ATP6V1H: variants seen among roughly 807,000 people sequenced by gnomAD.
ATP6V1H encodes V-type proton ATPase subunit H.
A neutral mutation model predicts 71.7 loss-of-function variants in ATP6V1H; 39 were observed. That is an observed-to-expected ratio of 0.54 (90% confidence interval 0.42 to 0.71). The LOEUF is 0.71. Ranked by LOEUF, ATP6V1H falls within the 30% of genes least tolerant of loss-of-function variation. ATP6V1H has a pLI of 0.00. For missense variants in ATP6V1H, 509 were observed against 594.9 expected (o/e 0.86, Z 1.50); for synonymous variants, 192 against 199.3 (o/e 0.96, Z 0.31).
At chr8:53,831,369 C>G (rs1017366450) in intron 3 of ATP6V1H, among the ~76,000 whole-genome samples, 2 of 152,142 alleles carry the variant, frequency 1.3e-5, no homozygotes, top group African/African-American at 4.8e-5. Flanking sequence ...ATGTGTGTGT[C>G]TAAACATAAA....
intron 9 of ATP6V1H, among the ~76,000 whole-genome samples, chr8:53,775,989 C>T (rs1463223212): frequency 6.6e-6 from 1 of 152,216 alleles, no homozygotes; most frequent in Non-Finnish European, 1.5e-5. Flanking sequence ...CACAGGAACC[C>T]ACGGAGGCGG....
chr8:53,798,487 C>T (rs1460797596), intron 8 of ATP6V1H, among the ~76,000 whole-genome samples: 2 of 151,994 alleles, frequency 1.3e-5, no homozygotes, highest in African/African-American at 2.4e-5. Flanking sequence ...CACCACTGCA[C>T]TCCAGCCTGG....
At chr8:53,774,025 T>C (rs145134882) in intron 9 of ATP6V1H, among the ~76,000 whole-genome samples, 1 of 152,164 alleles carries the variant, frequency 6.6e-6, no homozygotes, top group Admixed American at 6.5e-5. Context: ...CTCAGTAATC[T>C]GTTATGTATT....
At position 53,805,306 on chromosome 8, in the gene ATP6V1H, A is replaced by G. The variant is rs143477494; in HGVS notation, c.580-3410T>C. Among the ~76,000 whole-genome samples the G allele has an allele frequency of 2.2e-3, 336 of 152,304 alleles. 2 individuals carry two copies. The highest frequency in any genetic ancestry group is 7.8e-3 in the African/African-American group (326 of 41,564). ...GCACATTGGTATCAGTGAACCACAA[A>G]GATGAACTTTTCAAACATACAATTG... is the stretch of plus-strand genomic sequence containing the variant. On this transcript the variant is annotated intron_variant, in intron 7 of 13. Coordinates refer to ENST00000359530, the MANE Select transcript of ATP6V1H (RefSeq NM_015941.4).
intron 12 of ATP6V1H, among the ~76,000 whole-genome samples, chr8:53,753,786 AT>A (rs1807888926): frequency 6.6e-6 from 1 of 152,146 alleles, no homozygotes; most frequent in African/African-American, 2.4e-5. Flanking sequence ...AAAACCAATT[AT>A]TTTTTAATGA....
At chr8:53,813,741 T>C in intron 6 of ATP6V1H, among the ~76,000 whole-genome samples, 1 of 152,136 alleles carries the variant, frequency 6.6e-6, no homozygotes. Context: ...ACAGAAAACT[T>C]GTCATTTTCC....
At chr8:53,791,197 AG>A (rs1449192136) in intron 9 of ATP6V1H, among the ~76,000 whole-genome samples, 3 of 152,200 alleles carry the variant, frequency 2.0e-5, no homozygotes. Flanking sequence ...CAAATTTAAA[AG>A]AAGAATCAGC....
chr8:53,743,754 G>A, intron 12 of ATP6V1H, 64 bp from the exon 13 acceptor site: 1 of 1,181,234 alleles, frequency 8.5e-7, no homozygotes, highest in Admixed American at 2.1e-5. Context: ...TTTGTAAGCA[G>A]GCAGCTCAAA....
At chr8:53,801,971 G>A (rs1053061642) in intron 7 of ATP6V1H, 75 bp from the exon 8 acceptor site, 1 of 1,320,088 alleles carries the variant, frequency 7.6e-7, no homozygotes, top group African/African-American at 1.5e-5. Flanking sequence ...ATTTCTAAAT[G>A]AAAAGTCAGA....
intron 4 of ATP6V1H, among the ~76,000 whole-genome samples, chr8:53,823,971 A>G (rs1448561840): frequency 6.6e-6 from 1 of 151,934 alleles, no homozygotes; most frequent in African/African-American, 2.4e-5. Flanking sequence ...AATTAACAAA[A>G]TGGGGGAGAA....
Position 53,724,919 on chromosome 8 carries a change from G to A in ATP6V1H, c.1392-8895C>T, listed in dbSNP as rs560313047. ...CTTGCATTAAAGCCAGTGTATATGT[G>A]ACTAGATCAGTCAACCTGGATTTAA... On this transcript the variant is annotated intron_variant, in intron 13 of 13. Coordinates refer to ENST00000359530, the MANE Select transcript of ATP6V1H (RefSeq NM_015941.4). Among the ~76,000 whole-genome samples the A allele has an allele frequency of 2.3e-3, 347 of 150,396 alleles. 2 individuals carry two copies. The highest frequency in any genetic ancestry group is 8.2e-3 in the African/African-American group (334 of 40,928).
At chr8:53,746,254 ATTATGT>A (rs1192221519) in intron 12 of ATP6V1H, among the ~76,000 whole-genome samples, 86 of 151,574 alleles carry the variant, frequency 5.7e-4, no homozygotes, top group African/African-American at 2.0e-3. Flanking sequence ...GATTGATATT[ATTATGT>A]TTATTTCTTT....
rs937679186 is a variant in ATP6V1H at position 53,781,973 on chromosome 8, A to G, written c.871-9806T>C. Reference sequence around the variant, plus strand: ...GTAGTATAGTTTGAAGTCAGGTAGCATGATGCCTCCAGCTTTGTTCTTTTG... The same window carrying G: ...GTAGTATAGTTTGAAGTCAGGTAGCGTGATGCCTCCAGCTTTGTTCTTTTG... On this transcript the variant is annotated intron_variant, in intron 9 of 13. Coordinates refer to ENST00000359530, the MANE Select transcript of ATP6V1H (RefSeq NM_015941.4). Among the ~76,000 whole-genome samples the G allele has an allele frequency of 2.2e-3, 341 of 152,292 alleles. 2 individuals are homozygous for G. The highest frequency in any genetic ancestry group is 7.8e-3 in the African/African-American group (324 of 41,572).
intron 7 of ATP6V1H, among the ~76,000 whole-genome samples, chr8:53,803,453 G>T (rs780545255): frequency 2.0e-5 from 3 of 152,162 alleles, no homozygotes; most frequent in African/African-American, 7.2e-5. Context: ...AATCACAGGT[G>T]TTATATAAAT....
chr8:53,770,616 T>C (rs1326655338), intron 10 of ATP6V1H, among the ~76,000 whole-genome samples: 2 of 152,204 alleles, frequency 1.3e-5, no homozygotes, highest in Non-Finnish European at 2.9e-5. Context: ...TTAATATTCA[T>C]ATCCTAATCC....
At chr8:53,828,371 A>C (rs531020183) in intron 4 of ATP6V1H, among the ~76,000 whole-genome samples, 8 of 152,304 alleles carry the variant, frequency 5.3e-5, no homozygotes, top group African/African-American at 1.9e-4. Flanking sequence ...CTGAAATGTA[A>C]TGGGAGCTAC....
At chr8:53,783,586 T>C (rs1243124824) in intron 9 of ATP6V1H, among the ~76,000 whole-genome samples, 3 of 152,226 alleles carry the variant, frequency 2.0e-5, no homozygotes, top group African/African-American at 7.2e-5. Context: ...TCTGCTAGCT[T>C]TTCAACGTGT....
Position 53,730,307 on chromosome 8 carries a change from GAGA to G in ATP6V1H, c.1391+13267_1391+13269del, listed in dbSNP as rs200224551. Among the ~76,000 whole-genome samples the G allele has an allele frequency of 5.8e-4, 89 of 152,234 alleles. No homozygotes were observed. The East Asian group carries it at 0.016, about 27-fold the overall frequency. On this transcript the variant is annotated intron_variant, in intron 13 of 13. Coordinates refer to ENST00000359530, the MANE Select transcript of ATP6V1H (RefSeq NM_015941.4). ...GTTTCTTGTAAACAAACTATTCTTGGAGAAGAACAAGAAAAACATGTCTAGACT... is the reference window on the plus strand; with the variant it reads ...GTTTCTTGTAAACAAACTATTCTTGGAGAACAAGAAAAACATGTCTAGACT...
intron 9 of ATP6V1H, among the ~76,000 whole-genome samples, chr8:53,790,501 G>C (rs912661545): frequency 6.6e-6 from 1 of 152,156 alleles, no homozygotes; most frequent in Admixed American, 6.5e-5. Context: ...CATATTTTTC[G>C]AAGGGTATTA....
Sources: gnomAD v4.1 joint callset for allele counts (sites outside exome capture counted in the v4.1 genomes callset) on GRCh38, gnomAD v4.1.1 for gene constraint, MANE v1.5 for transcripts, NCBI Gene and HGNC (gene_info 2026-07-23, HGNC 2026-07-21) for gene names.